PRELID2: variants seen among roughly 807,000 people sequenced by gnomAD.
The protein encoded by PRELID2 is PRELI domain-containing protein 2.
A neutral mutation model predicts 28.4 loss-of-function variants in PRELID2; 25 were observed. The ratio of observed to expected loss-of-function variants is 0.88; its 90% CI spans 0.64 to 1.23. PRELID2 has a LOEUF of 1.23. Ranked by LOEUF, PRELID2 falls within the 50% of genes most tolerant of loss-of-function variation. PRELID2 has a pLI of 0.00. For missense variants in PRELID2, 201 were observed against 214.4 expected (o/e 0.94, Z 0.39); for synonymous variants, 76 against 71.6 (o/e 1.06, Z -0.31).
intron 5 of PRELID2, among the ~76,000 whole-genome samples, chr5:145,777,772 C>T (rs913621446): frequency 3.4e-4 from 52 of 152,274 alleles, no homozygotes; most frequent in African/African-American, 1.1e-3. Flanking sequence ...CAGCTGCAAC[C>T]GCCCAAAGCA....
chr5:145,229,506 G>C, the PRELID2 span: 1 of 1,209,114 alleles, frequency 8.3e-7, no homozygotes. Context: ...TTCAAAAAAG[G>C]AGTCCCCGTG....
chr5:145,377,730 C>T, the PRELID2 span, among the ~76,000 whole-genome samples: 1 of 151,950 alleles, frequency 6.6e-6, no homozygotes, highest in South Asian at 2.1e-4. Context: ...TATTTTGAGC[C>T]CATGTGTGTC....
At chr5:145,468,091 A>G (rs1172421707), downstream of PRELID2, among the ~76,000 whole-genome samples, 5 of 151,878 alleles carry the variant, frequency 3.3e-5, no homozygotes, top group Admixed American at 1.3e-4. Flanking sequence ...AACAGGCCCC[A>G]GTGTGTGATG....
At chr5:145,425,645 T>C in the PRELID2 span, among the ~76,000 whole-genome samples, 5 of 152,092 alleles carry the variant, frequency 3.3e-5, no homozygotes, top group Admixed American at 2.0e-4. Flanking sequence ...CTCAGCAAAC[T>C]AATTCAGGAA....
chr5:145,633,409 G>A (rs1167725478), intron 1 of PRELID2, among the ~76,000 whole-genome samples: 1 of 152,156 alleles, frequency 6.6e-6, no homozygotes, highest in African/African-American at 2.4e-5. Flanking sequence ...TCTAAGGTCT[G>A]ACTCGGCCTT....
chr5:145,491,043 CTTT>C (rs966737234), intron 1 of PRELID2, among the ~76,000 whole-genome samples: 1 of 148,442 alleles, frequency 6.7e-6, no homozygotes, highest in African/African-American at 2.5e-5. Context: ...TTGATGACAG[CTTT>C]TTTTTTTAAC....
At chr5:145,277,505 G>A in the PRELID2 span, among the ~76,000 whole-genome samples, 1 of 152,022 alleles carries the variant, frequency 6.6e-6, no homozygotes, top group Non-Finnish European at 1.5e-5. Context: ...CCCTGTCCTT[G>A]TCTCTCTTTA....
chr5:145,793,300 C>T (rs529304214), intron 5 of PRELID2, among the ~76,000 whole-genome samples: 2 of 152,218 alleles, frequency 1.3e-5, no homozygotes, highest in East Asian at 1.9e-4. Context: ...TTTGTGAGTA[C>T]CTAGTTTTGA....
chr5:145,284,567 C>T, the PRELID2 span, among the ~76,000 whole-genome samples: 1 of 151,908 alleles, frequency 6.6e-6, no homozygotes, highest in South Asian at 2.1e-4. Flanking sequence ...TGAAATTATA[C>T]TCTGGAAGTG....
chr5:145,252,759 G>A, the PRELID2 span, among the ~76,000 whole-genome samples: 13 of 152,054 alleles, frequency 8.5e-5, no homozygotes, highest in Admixed American at 1.3e-4. Context: ...TTAGAAAGAC[G>A]TAAAAGTTCT....
At chr5:145,413,004 A>G in the PRELID2 span, among the ~76,000 whole-genome samples, 4 of 152,126 alleles carry the variant, frequency 2.6e-5, no homozygotes, top group African/African-American at 9.7e-5. Context: ...AATTATCTTG[A>G]CCTGTCCCCC....
At chr5:145,249,351 G>A in the PRELID2 span, among the ~76,000 whole-genome samples, 1 of 151,960 alleles carries the variant, frequency 6.6e-6, no homozygotes, top group Non-Finnish European at 1.5e-5. Context: ...GATTAATTTG[G>A]TAGTATTTGG....
At chr5:145,345,441 A>G in the PRELID2 span, among the ~76,000 whole-genome samples, 3 of 151,960 alleles carry the variant, frequency 2.0e-5, no homozygotes, top group Non-Finnish European at 4.4e-5. Context: ...CACAAACTCA[A>G]AATGTTCCTC....
At chr5:145,389,569 AAAT>A in the PRELID2 span, among the ~76,000 whole-genome samples, 1 of 152,156 alleles carries the variant, frequency 6.6e-6, no homozygotes, top group East Asian at 1.9e-4. Context: ...CAAGGAGCTC[AAAT>A]AAGTGGTAAC....
chr5:145,576,407 C>T (rs1037826529), intron 1 of PRELID2, among the ~76,000 whole-genome samples: 3 of 152,108 alleles, frequency 2.0e-5, no homozygotes, highest in Admixed American at 6.6e-5. Context: ...TTGCTTACCA[C>T]GTTTTCAAGG....
At chr5:145,742,521 C>T (rs566704216) in intron 1 of PRELID2, among the ~76,000 whole-genome samples, 1 of 53,498 alleles carries the variant, frequency 1.9e-5, no homozygotes, top group Non-Finnish European at 3.5e-5. Flanking sequence ...AAAGAAGTCT[C>T]AAGGGATACC....
the PRELID2 span, among the ~76,000 whole-genome samples, chr5:145,461,614 C>G: frequency 1.3e-5 from 2 of 152,256 alleles, no homozygotes; most frequent in South Asian, 4.1e-4. Flanking sequence ...AACTTCTAAT[C>G]TTTAGTTTTC....
At chr5:145,362,258 G>A in the PRELID2 span, among the ~76,000 whole-genome samples, 1 of 152,114 alleles carries the variant, frequency 6.6e-6, no homozygotes, top group Non-Finnish European at 1.5e-5. Flanking sequence ...AAAAATACAG[G>A]CTGGAGGACA....
chr5:145,558,783 A>G (rs182573318), intron 1 of PRELID2, among the ~76,000 whole-genome samples: 1 of 152,332 alleles, frequency 6.6e-6, no homozygotes, highest in Non-Finnish European at 1.5e-5. Flanking sequence ...GGAGCTAATG[A>G]AAATATGAAA....
Sources: allele counts gnomAD v4.1 joint callset (sites outside exome capture counted in the v4.1 genomes callset), GRCh38; gene constraint gnomAD v4.1.1; transcripts MANE v1.5; gene names NCBI Gene and HGNC (gene_info 2026-07-23, HGNC 2026-07-21).